Variants in FBXL7 observed in about 807,000 individuals in gnomAD.
FBXL7 encodes the protein F-box/LRR-repeat protein 7.
Under a neutral mutation model 38.3 loss-of-function variants are expected in FBXL7, and 12 were observed. The observed-to-expected ratio is 0.31, with a 90% CI of 0.20 to 0.51. The LOEUF is 0.51. FBXL7 is among the 20% of genes least tolerant of loss of function. The probability of loss-of-function intolerance (pLI) is 0.98; values close to 1 mark genes in which losing one functional copy is unlikely to be tolerated. For synonymous variants in FBXL7, 297 were observed against 300.9 expected (o/e 0.99, Z 0.13); for missense variants, 567 against 676.4 (o/e 0.84, Z 1.79).
chr5:15,636,780 T>C (rs998801680), intron 2 of FBXL7, among the ~76,000 whole-genome samples: 3 of 151,396 alleles, frequency 2.0e-5, no homozygotes, highest in Admixed American at 1.3e-4. Flanking sequence ...TTAGTTTGGA[T>C]GTCTTTAAAC....
chr5:15,633,380 C>A (rs769288912), intron 2 of FBXL7, among the ~76,000 whole-genome samples: 1 of 152,052 alleles, frequency 6.6e-6, no homozygotes, highest in South Asian at 2.1e-4. Context: ...GAATAATAAT[C>A]AATGTTTCTA....
intron 1 of FBXL7, among the ~76,000 whole-genome samples, chr5:15,585,429 A>AT (rs1739272068): frequency 6.6e-6 from 1 of 152,242 alleles, no homozygotes; most frequent in South Asian, 2.1e-4. Flanking sequence ...TCATCACCTT[A>AT]ACACACCTCA....
At chr5:15,879,964 GA>G (rs1001451078) in intron 2 of FBXL7, among the ~76,000 whole-genome samples, 141 of 149,468 alleles carry the variant, frequency 9.4e-4, no homozygotes, top group African/African-American at 2.9e-3. Flanking sequence ...AATTTAAGCA[GA>G]AAAAAAAAAC....
chr5:15,866,355 C>G (rs921830882), intron 2 of FBXL7, among the ~76,000 whole-genome samples: 7 of 152,252 alleles, frequency 4.6e-5, no homozygotes, highest in Middle Eastern at 6.8e-3. Context: ...ACATCAATGT[C>G]TAATATATAA....
chr5:15,934,045 C>T (rs1468483254), intron 3 of FBXL7, among the ~76,000 whole-genome samples: 3 of 152,146 alleles, frequency 2.0e-5, no homozygotes, highest in Non-Finnish European at 1.5e-5. Flanking sequence ...TGCCCTGTCA[C>T]CTAGGCTGGA....
intron 1 of FBXL7, among the ~76,000 whole-genome samples, chr5:15,612,360 T>C (rs192853727): frequency 2.6e-5 from 4 of 152,188 alleles, no homozygotes; most frequent in Admixed American, 6.5e-5. Context: ...ATGAAACATA[T>C]GCACTTAGTG....
Position 15,579,182 on chromosome 5 carries a change from C to T in FBXL7, c.38-36801C>T, listed in dbSNP as rs541441282. Among the ~76,000 whole-genome samples the T allele has an allele frequency of 7.2e-5, 11 of 152,298 alleles. No homozygotes were observed. In the East Asian group the frequency reaches 2.1e-3, roughly 29 times the overall value. The stretch of plus-strand genomic sequence containing the variant: ...GGAGGAAAGCGGTGCTGTTTCTTAC[C>T]TTCATGGAAACACGTAGGAAGAGGT... On this transcript the variant is annotated intron_variant, in intron 1 of 3. Transcript: ENST00000504595.
intron 2 of FBXL7, among the ~76,000 whole-genome samples, chr5:15,726,463 G>A (rs922092267): frequency 5.9e-5 from 9 of 151,928 alleles, no homozygotes; most frequent in Admixed American, 1.3e-4. Flanking sequence ...GGGAGGCTGC[G>A]GCAGGCAGAT....
chr5:15,818,613 A>AT, intron 2 of FBXL7, among the ~76,000 whole-genome samples: 1 of 152,188 alleles, frequency 6.6e-6, no homozygotes, highest in Non-Finnish European at 1.5e-5. Context: ...AACATTGGTA[A>AT]TTAAATAAGC....
At chr5:15,680,873 T>A (rs1322390588) in intron 2 of FBXL7, among the ~76,000 whole-genome samples, 2 of 152,224 alleles carry the variant, frequency 1.3e-5, no homozygotes, top group East Asian at 3.8e-4. Flanking sequence ...TTATTCTCAC[T>A]GCCTAAATGA....
At chr5:15,539,979 C>T (rs1019714359) in intron 1 of FBXL7, among the ~76,000 whole-genome samples, 2 of 152,062 alleles carry the variant, frequency 1.3e-5, no homozygotes, top group African/African-American at 4.8e-5. Context: ...CTTTATTCTC[C>T]ATTTTTCACA....
chr5:15,659,543 TAAAAAC>T (rs749050412), intron 2 of FBXL7, among the ~76,000 whole-genome samples: 2 of 151,972 alleles, frequency 1.3e-5, no homozygotes, highest in African/African-American at 2.4e-5. Flanking sequence ...ATCTAAAAAA[TAAAAAC>T]AAAAACATGG....
chr5:15,909,420 A>T (rs1741403281), intron 2 of FBXL7, among the ~76,000 whole-genome samples: 1 of 21,692 alleles, frequency 4.6e-5, no homozygotes, highest in Admixed American at 2.6e-4. Flanking sequence ...TTTTTTCTTT[A>T]TTAGTCTTGC....
At chr5:15,678,768 C>T (rs971043784) in intron 2 of FBXL7, among the ~76,000 whole-genome samples, 2 of 152,108 alleles carry the variant, frequency 1.3e-5, no homozygotes, top group Non-Finnish European at 2.9e-5. Context: ...TCTTGTCTGC[C>T]GCCATGTAAG....
chr5:15,835,356 T>G (rs528468565), intron 2 of FBXL7, among the ~76,000 whole-genome samples: 1 of 152,280 alleles, frequency 6.6e-6, no homozygotes, highest in African/African-American at 2.4e-5. Flanking sequence ...AATTAGACCT[T>G]GAATGAGAAA....
At chr5:15,651,494 A>G (rs914747841) in intron 2 of FBXL7, among the ~76,000 whole-genome samples, 1 of 152,192 alleles carries the variant, frequency 6.6e-6, no homozygotes, top group Non-Finnish European at 1.5e-5. Flanking sequence ...ACATTAATCT[A>G]CTTGTGCATC....
At chr5:15,565,453 C>G (rs966656135) in intron 1 of FBXL7, among the ~76,000 whole-genome samples, 1 of 151,440 alleles carries the variant, frequency 6.6e-6, no homozygotes, top group Non-Finnish European at 1.5e-5. Context: ...AGAAACAGAA[C>G]CAATAGGAGA....
intron 2 of FBXL7, among the ~76,000 whole-genome samples, chr5:15,670,328 A>G (rs1023836449): frequency 6.6e-6 from 1 of 151,864 alleles, no homozygotes; most frequent in African/African-American, 2.4e-5. Context: ...GTTCCTCTCT[A>G]TTGTTTAAAA....
chr5:15,680,148 T>A (rs1354774391), intron 2 of FBXL7, among the ~76,000 whole-genome samples: 1 of 152,192 alleles, frequency 6.6e-6, no homozygotes, highest in South Asian at 2.1e-4. Context: ...GGCAAGGATG[T>A]TGCTACCTTA....
Sources: allele counts gnomAD v4.1 joint callset (sites outside exome capture counted in the v4.1 genomes callset), GRCh38; gene constraint gnomAD v4.1.1; transcripts MANE v1.5; gene names NCBI Gene and HGNC (gene_info 2026-07-23, HGNC 2026-07-21).